ASRGL1: variants seen among roughly 807,000 people sequenced by gnomAD.
The protein encoded by ASRGL1 is isoaspartyl peptidase/L-asparaginase.
Under a neutral mutation model 22.4 loss-of-function variants are expected in ASRGL1, and 16 were observed. The ratio of observed to expected loss-of-function variants is 0.71; its 90% CI spans 0.48 to 1.08. The LOEUF (loss-of-function observed/expected upper bound fraction) is 1.08. Ranked by LOEUF, ASRGL1 falls within the 50% of genes least tolerant of loss-of-function variation. The pLI, the probability that ASRGL1 is intolerant of heterozygous loss-of-function variation, is 0.00. For synonymous variants in ASRGL1, 165 were observed against 159.3 expected (o/e 1.04, Z -0.27); for missense variants, 412 against 410.1 (o/e 1.00, Z -0.04).
At chr11:62,395,248 G>A (rs960984106), downstream of ASRGL1, among the ~76,000 whole-genome samples, 10 of 152,142 alleles carry the variant, frequency 6.6e-5, no homozygotes, top group Non-Finnish European at 1.3e-4. Context: ...GCCAGATGCC[G>A]GATGCCAGAT....
Position 62,374,953 on chromosome 11 carries a change from C to T in ASRGL1, c.492-14180C>T, listed in dbSNP as rs1258325055. On this transcript the variant is annotated intron_variant, in intron 4 of 6. Transcript: ENST00000415229. The stretch of plus-strand genomic sequence containing the variant: ...CCCAGGCACCTGTGCTCCTGGAACC[C>T]TTGAGGTCTCTCCTTTGAGTCGTGG... Among the ~76,000 whole-genome samples, 4 of 152,058 alleles carry T rather than the reference C, an allele frequency of 2.6e-5. 1 individual carries two copies. The highest frequency in any genetic ancestry group is 9.7e-5 in the African/African-American group (4 of 41,390).
intron 2 of ASRGL1, among the ~76,000 whole-genome samples, chr11:62,350,963 GTTGT>G (rs1011287734): frequency 6.6e-6 from 1 of 152,012 alleles, no homozygotes; most frequent in African/African-American, 2.4e-5. Context: ...CTTCCTATGG[GTTGT>G]TTGAGCATTT....
downstream of ASRGL1, among the ~76,000 whole-genome samples, chr11:62,397,413 C>T (rs1328318299): frequency 6.6e-6 from 1 of 152,020 alleles, no homozygotes; most frequent in Non-Finnish European, 1.5e-5. Flanking sequence ...TGCTTGTAAT[C>T]CCAGCACTTT....
At chr11:62,356,229 G>C (rs551661824) in intron 2 of ASRGL1, 96 bp from the exon 3 acceptor site, 2 of 1,457,656 alleles carry the variant, frequency 1.4e-6, no homozygotes, top group South Asian at 1.2e-5. Context: ...CTCCCGGATG[G>C]GGCGGCTGGC....
chr11:62,398,493 C>A, the ASRGL1 span, among the ~76,000 whole-genome samples: 5 of 152,230 alleles, frequency 3.3e-5, no homozygotes, highest in Non-Finnish European at 5.9e-5. Flanking sequence ...ACATTTACCT[C>A]GGGCATAGAA....
At chr11:62,400,153 G>A in the ASRGL1 span, among the ~76,000 whole-genome samples, 33 of 152,278 alleles carry the variant, frequency 2.2e-4, no homozygotes, top group East Asian at 3.9e-4. Context: ...GCTGTAGGCC[G>A]GGTCCCCCAC....
At chr11:62,371,373 C>T (rs1323174722) in intron 4 of ASRGL1, 9 of 722,332 alleles carry the variant, frequency 1.2e-5, no homozygotes, top group East Asian at 6.4e-5. Flanking sequence ...GCAAGGTGGG[C>T]GGTGCGGCTG....
At chr11:62,390,647 C>T (rs1379030177) in intron 5 of ASRGL1, among the ~76,000 whole-genome samples, 1 of 152,216 alleles carries the variant, frequency 6.6e-6, no homozygotes, top group African/African-American at 2.4e-5. Context: ...AAGGCGCCTC[C>T]TCCCACTGCA....
intron 4 of ASRGL1, among the ~76,000 whole-genome samples, chr11:62,370,527 T>C (rs1466726774): frequency 2.0e-5 from 3 of 152,190 alleles, no homozygotes; most frequent in African/African-American, 7.2e-5. Flanking sequence ...TTAATATTTC[T>C]GGTCTTGGAG....
intron 4 of ASRGL1, chr11:62,371,922 C>G (rs1013260307): frequency 1.2e-5 from 7 of 575,540 alleles, no homozygotes; most frequent in Non-Finnish European, 1.8e-5. Context: ...CCACTGCACT[C>G]TAGCCTGGGC....
At chr11:62,375,748 C>T (rs1057280769) in intron 4 of ASRGL1, among the ~76,000 whole-genome samples, 3 of 151,650 alleles carry the variant, frequency 2.0e-5, no homozygotes, top group Non-Finnish European at 4.4e-5. Context: ...GCCACATAGG[C>T]CCAGTGGTAT....
intron 3 of ASRGL1, 141 bp downstream of exon 3, chr11:62,356,608 C>T: frequency 9.0e-7 from 1 of 1,108,268 alleles, no homozygotes; most frequent in Non-Finnish European, 1.3e-6. Context: ...ATTTGAGTTT[C>T]TCAAATCAGC....
downstream of ASRGL1, among the ~76,000 whole-genome samples, chr11:62,397,748 G>A (rs1005645357): frequency 1.9e-4 from 29 of 151,636 alleles, no homozygotes; most frequent in East Asian, 3.7e-3. Context: ...TATTCTTGCA[G>A]ATCTTTTTCT....
chr11:62,389,168 G>A lies in ASRGL1; in HGVS notation c.527G>A (p.Cys176Tyr). 1 of 1,614,072 alleles carries A rather than the reference G, an allele frequency of 6.2e-7. No individual in the cohort carries two copies. The highest frequency in any genetic ancestry group is 8.5e-7 in the Non-Finnish European group (1 of 1,179,968). ...LGTVGAVALDCKGNVAYATST... is the reference protein window; with the variant it reads ...LGTVGAVALDYKGNVAYATST... ...ACCGTGGGTGCTGTTGCCTTGGACT[G>A]CAAAGGGAATGTAGCCTACGCAACC... is the stretch of plus-strand genomic sequence containing the variant. Residue 176 changes from cysteine (C) to tyrosine (Y), a missense_variant, in exon 5 of 7, where the codon TGC (cysteine) becomes TAC (tyrosine). Transcript: ENST00000415229.
intron 2 of ASRGL1, among the ~76,000 whole-genome samples, chr11:62,340,712 A>G (rs1945842920): frequency 6.6e-6 from 1 of 152,202 alleles, no homozygotes; most frequent in Non-Finnish European, 1.5e-5. Flanking sequence ...AGCAAAGATT[A>G]TGGGGGGAAA....
chr11:62,360,114 C>T (rs568218149), intron 4 of ASRGL1, among the ~76,000 whole-genome samples: 1 of 151,452 alleles, frequency 6.6e-6, no homozygotes, highest in East Asian at 1.9e-4. Context: ...TTACTGCAAC[C>T]TCTGCCTCCC....
chr11:62,338,818 G>A lies in ASRGL1; in HGVS notation c.190+651G>A, dbSNP rs185192882. On this transcript the variant is annotated intron_variant, in intron 2 of 6. Coordinates refer to ENST00000415229, the MANE Select transcript of ASRGL1 (RefSeq NM_001083926.2). ...AAAAAAGCCAGGCGTGGTGCTAGGA[G>A]CCTGTAACCCCAGCTACTCGGGAGG... Among the ~76,000 whole-genome samples, 38 of 149,276 alleles carry A rather than the reference G, an allele frequency of 2.5e-4. 1 individual carries two copies. The East Asian group carries it at 7.1e-3, about 28-fold the overall frequency.
At position 62,392,491 on chromosome 11, in the gene ASRGL1, C is replaced by G; in HGVS notation, c.*207C>G. 1 of 643,632 alleles carries G rather than the reference C, an allele frequency of 1.6e-6. No homozygotes were observed. The highest frequency in any genetic ancestry group is 2.7e-6 in the Non-Finnish European group (1 of 376,618). 39.9% of individuals were successfully genotyped at this position (643,632 alleles called of 1,614,324 possible). On this transcript the variant is annotated 3_prime_UTR_variant, in exon 7 of 7. Transcript: ENST00000415229. Reference sequence around the variant, plus strand: ...GCCCGTATTAGGAGGATTACTTGAGCCCAGGAGGTCAAAGCTGAGGTGAGC... The same window carrying G: ...GCCCGTATTAGGAGGATTACTTGAGGCCAGGAGGTCAAAGCTGAGGTGAGC...
Position 62,362,685 on chromosome 11 carries a change from A to T in ASRGL1, c.491+5541A>T, listed in dbSNP as rs1251374251. 6.6e-5 allele frequency among the ~76,000 whole-genome samples: 4 copies of T among 60,818 alleles called. 1 individual carries two copies. Among genetic ancestry groups the T allele is most frequent in the Admixed American group, 2.8e-4 (1 of 3,632 alleles). 39.9% of individuals were successfully genotyped at this position (60,818 alleles called of 152,430 possible). A position where few individuals can be genotyped will look rare whatever the true frequency, so the allele number is the denominator to read the frequency against. The stretch of plus-strand genomic sequence containing the variant: ...AAAATATATAATATATATTATATAA[A>T]ATATATATTATATATTATATAAAAT... On this transcript the variant is annotated intron_variant, in intron 4 of 6. Transcript: ENST00000415229.
Sources: gnomAD v4.1 joint callset for allele counts (sites outside exome capture counted in the v4.1 genomes callset) on GRCh38, gnomAD v4.1.1 for gene constraint, MANE v1.5 for transcripts, NCBI Gene and HGNC (gene_info 2026-07-23, HGNC 2026-07-21) for gene names.